The following CHRNA2 variants were observed in gnomAD, a reference collection of about 807,000 sequenced individuals.
CHRNA2 encodes neuronal acetylcholine receptor subunit alpha-2.
A neutral mutation model predicts 45.5 loss-of-function variants in CHRNA2; 40 were observed. The ratio of observed to expected loss-of-function variants is 0.88; its 90% CI spans 0.68 to 1.15. The LOEUF is 1.15. Among genes scored for constraint, CHRNA2 ranks in the 50% most tolerant of loss-of-function variants. The probability of loss-of-function intolerance (pLI) is 0.00; values close to 1 mark genes in which losing one functional copy is unlikely to be tolerated. For missense variants in CHRNA2, 655 were observed against 701.7 expected (o/e 0.93, Z 0.75); for synonymous variants, 301 against 296.7 (o/e 1.01, Z -0.15).
chr8:27,471,803 A>T (rs1237935369), intron 1 of CHRNA2, among the ~76,000 whole-genome samples: 2 of 152,196 alleles, frequency 1.3e-5, no homozygotes, highest in Admixed American at 6.5e-5. Context: ...TACAACTCCT[A>T]AGATACTGGG....
intron 1 of CHRNA2, among the ~76,000 whole-genome samples, chr8:27,477,901 C>G (rs572076184): frequency 1.3e-5 from 2 of 152,248 alleles, no homozygotes; most frequent in Admixed American, 1.3e-4. Flanking sequence ...CTCACGTACA[C>G]CAGTTCCAGG....
chr8:27,477,985 G>A (rs148770938), intron 1 of CHRNA2, among the ~76,000 whole-genome samples: 128 of 152,202 alleles, frequency 8.4e-4, no homozygotes, highest in African/African-American at 3.0e-3. Flanking sequence ...GGAGGTCAAG[G>A]TGATTTGAGC....
chr8:27,470,470 A>G (rs537738760), intron 2 of CHRNA2, among the ~76,000 whole-genome samples: 1 of 152,354 alleles, frequency 6.6e-6, no homozygotes, highest in East Asian at 1.9e-4. Context: ...TTCTTAAACC[A>G]TGGGCATTTG....
At chr8:27,462,021 T>C (rs573106566) in intron 6 of CHRNA2, among the ~76,000 whole-genome samples, 4 of 152,236 alleles carry the variant, frequency 2.6e-5, no homozygotes, top group East Asian at 3.9e-4. Flanking sequence ...TCCTAGACTA[T>C]AGGTAAAGGA....
rs547236414 is a variant in CHRNA2, at chr8:27,469,558, C to T, written c.295-179G>A. 7 of 869,544 alleles carry T rather than the reference C, an allele frequency of 8.1e-6. No individual in the cohort carries two copies. In the Admixed American group the frequency reaches 1.0e-4, roughly 12 times the overall value. 53.9% of individuals were successfully genotyped at this position (869,544 alleles called of 1,614,324 possible). On this transcript the variant is annotated intron_variant, in intron 3 of 6. Coordinates refer to ENST00000407991, the MANE Select transcript of CHRNA2 (RefSeq NM_000742.4). ...ATTCTCCAGGGTCACACAGGCACTG[C>T]TGCCAATCAATGCCCTCCTAGGAGG...
intron 2 of CHRNA2, among the ~76,000 whole-genome samples, chr8:27,470,436 C>T (rs1172944700): frequency 2.0e-5 from 3 of 152,176 alleles, no homozygotes; most frequent in Non-Finnish European, 4.4e-5. Flanking sequence ...GGAAATGGAC[C>T]GCTTTGGGAA....
In CHRNA2 at chr8:27,469,330, C is replaced by G. The variant is rs1169627389; in HGVS notation, c.339+5G>C. 1.5e-5 allele frequency: 23 copies of G among 1,554,744 alleles called. No individual in the cohort carries two copies. The highest frequency in any genetic ancestry group is 1.9e-5 in the Non-Finnish European group (22 of 1,148,626). On this transcript the variant is annotated splice_donor_5th_base_variant and intron_variant, in intron 4 of 6. Coordinates refer to ENST00000407991, the MANE Select transcript of CHRNA2 (RefSeq NM_000742.4). ...CCACCTGGACTGGAGGAGGGGGGCC[C>G]TCACCTGTTTTAGCCAGACGTTGGT...
Position 27,463,479 on chromosome 8 carries a change from A to G in CHRNA2, c.964T>C (p.Ser322Pro). The G allele has an allele frequency of 6.2e-7, 1 of 1,614,176 alleles. No individual in the cohort carries two copies. Among genetic ancestry groups the G allele is most frequent in the East Asian group, 2.2e-5 (1 of 44,874 alleles). ...TCGCCGATGAGCGGGATGACCAGCGAGGTGGACGGGATGATCTCAGTGATG... is the reference window on the plus strand; with the variant it reads ...TCGCCGATGAGCGGGATGACCAGCGGGGTGGACGGGATGATCTCAGTGATG... ...LLITEIIPSTSLVIPLIGEYL... is the reference protein window; with the variant it reads ...LLITEIIPSTPLVIPLIGEYL... The change falls in exon 6 of 7, where the codon TCG (serine) becomes CCG (proline). Residue 322 changes from serine (S) to proline (P), a missense_variant. Ser to Pro is a moderately conservative substitution (Grantham distance 74). Coordinates refer to ENST00000407991, the MANE Select transcript of CHRNA2 (RefSeq NM_000742.4). The surrounding 1 kb of genome is among the most constrained non-coding windows in gnomAD (Gnocchi z 6.1).
At chr8:27,468,938 C>T (rs772558894) in intron 4 of CHRNA2, among the ~76,000 whole-genome samples, 2 of 152,186 alleles carry the variant, frequency 1.3e-5, no homozygotes, top group African/African-American at 2.4e-5. Context: ...GCCTGGGACT[C>T]GGAGTCAGGC....
At position 27,463,398 on chromosome 8, in the gene CHRNA2, C is replaced by T. The variant is rs774279507; in HGVS notation, c.1045G>A (p.Val349Met). 29 of 1,613,926 alleles carry T rather than the reference C, an allele frequency of 1.8e-5. No homozygotes were observed. Among genetic ancestry groups the T allele is most frequent in the African/African-American group, 1.2e-4 (9 of 74,878 alleles). Reference protein sequence around the residue: ...VTLSIVITVFVLNVHHRSPST... With the variant: ...VTLSIVITVFMLNVHHRSPST... The stretch of plus-strand genomic sequence containing the variant: ...GGGGAGCGGTGGTGCACATTGAGCA[C>T]GAAGACGGTGATGACGATGGACAGG... The change falls in exon 6 of 7, where the codon GTG becomes ATG. Residue 349 changes from valine (V) to methionine (M), a missense_variant. By Grantham distance (21) the Val-to-Met change is conservative (BLOSUM62 1). Coordinates refer to ENST00000407991, the MANE Select transcript of CHRNA2 (RefSeq NM_000742.4). This position sits in a 1 kb window ranked among gnomAD's most constrained non-coding sequence, Gnocchi z 6.1.
At position 27,471,054 on chromosome 8, in the gene CHRNA2, C is replaced by T. The variant is rs1812866365; in HGVS notation, c.5G>A (p.Gly2Asp). 5.6e-6 allele frequency: 9 copies of T among 1,614,008 alleles called. No individual in the cohort carries two copies. Among genetic ancestry groups the T allele is most frequent in the Non-Finnish European group, 7.6e-6 (9 of 1,179,942 alleles). M[G>D]PSCPVFLSFT... ...GGACAGGAACACAGGACAGGAGGGG[C>T]CCATGGCTTCTCCTGAGCATCAGGA... Residue 2 changes from glycine to aspartate, a missense_variant, in exon 2 of 7, where the codon GGC becomes GAC. Physicochemically the swap from Gly to Asp is moderately conservative, Grantham distance 94. This residue lies in a region of CHRNA2 where 323 missense variants were observed against 354.4 expected (regional missense o/e 0.91). Transcript: ENST00000407991.
chr8:27,470,069 A>C, intron 2 of CHRNA2, 88 bp from the exon 3 acceptor site: 1 of 1,223,752 alleles, frequency 8.2e-7, no homozygotes, highest in Non-Finnish European at 1.2e-6. Context: ...CCTATCTCAA[A>C]ACATTGTTGA....
Position 27,461,339 on chromosome 8 carries a change from C to T in CHRNA2, c.*290G>A. 2.2e-6 allele frequency: 1 copy of T among 461,090 alleles called. No homozygotes were observed. The highest frequency in any genetic ancestry group is 4.2e-5 in the East Asian group (1 of 23,948). The allele number at this position is 461,090 out of a possible 1,614,324, so 28.6% of individuals were successfully genotyped here. ...CTTCTGTCACTTAGGGTCTGCACTG[C>T]TCCTCCAGGAGAATCTTACTCTGCC... On this transcript the variant is annotated 3_prime_UTR_variant, in exon 7 of 7. Coordinates refer to ENST00000407991, the MANE Select transcript of CHRNA2 (RefSeq NM_000742.4).
Position 27,463,954 on chromosome 8 carries a change from G to T in CHRNA2, c.489C>A (p.Ala163=). 1 of 1,614,172 alleles carries T rather than the reference G, an allele frequency of 6.2e-7. No individual in the cohort carries two copies. The change falls in exon 6 of 7, where the codon GCC becomes GCA. Residue 163 remains alanine, a synonymous_variant. Transcript: ENST00000407991. This position sits in a 1 kb window ranked among gnomAD's most constrained non-coding sequence, Gnocchi z 6.1. ...GEFAVTHMTK[A]HLFSTGTVHW... ...GCACAGTGCCCGTGGAGAAGAGGTG[G>T]GCCTTGGTCATGTGGGTCACTGCAA...
chr8:27,476,636 G>A (rs1249915620), intron 1 of CHRNA2, among the ~76,000 whole-genome samples: 2 of 152,120 alleles, frequency 1.3e-5, no homozygotes, highest in Non-Finnish European at 2.9e-5. Context: ...TTTCTACCTG[G>A]AGGATTTAGG....
chr8:27,474,705 C>T (rs1176042715), intron 1 of CHRNA2, among the ~76,000 whole-genome samples: 1 of 152,270 alleles, frequency 6.6e-6, no homozygotes, highest in Non-Finnish European at 1.5e-5. Context: ...ACACAGCAAA[C>T]CCTGCAGCAT....
chr8:27,461,843 TG>T, intron 6 of CHRNA2, 89 bp from the exon 7 acceptor site: 1 of 1,590,998 alleles, frequency 6.3e-7, no homozygotes, highest in Non-Finnish European at 8.6e-7. Flanking sequence ...AGGCGGCCAC[TG>T]GGGGCAGCAG....
intron 4 of CHRNA2, 112 bp downstream of exon 4, chr8:27,469,223 G>T: frequency 9.2e-7 from 1 of 1,085,482 alleles, no homozygotes; most frequent in Non-Finnish European, 1.4e-6. Context: ...GGTAAACTAA[G>T]TTCAGGGTCT....
chr8:27,470,325 G>A (rs867851339), intron 2 of CHRNA2, among the ~76,000 whole-genome samples: 2 of 151,816 alleles, frequency 1.3e-5, no homozygotes, highest in African/African-American at 4.8e-5. Flanking sequence ...TCTACGTGGC[G>A]GGGCTGCAGG....
Sources: gnomAD v4.1 joint callset for allele counts (sites outside exome capture counted in the v4.1 genomes callset) on GRCh38, gnomAD v4.1.1 for gene constraint, gnomAD v4.1.1 regional missense constraint, Gnocchi (gnomAD v3.1) non-coding constraint, MANE v1.5 for transcripts, NCBI Gene and HGNC (gene_info 2026-07-23, HGNC 2026-07-21) for gene names.